Variants in CTNNA2 observed in about 807,000 individuals in gnomAD.
The protein encoded by CTNNA2 is catenin alpha-2.
A neutral mutation model predicts 101.0 loss-of-function variants in CTNNA2; 42 were observed. The observed-to-expected ratio is 0.42, with a 90% CI of 0.32 to 0.54. CTNNA2 has a LOEUF of 0.54. CTNNA2 is among the 20% of genes least tolerant of loss of function. The probability of loss-of-function intolerance (pLI) is 0.14; values close to 1 mark genes in which losing one functional copy is unlikely to be tolerated. For synonymous variants in CTNNA2, 450 were observed against 456.4 expected (o/e 0.99, Z 0.18); for missense variants, 871 against 1,223.1 (o/e 0.71, Z 4.29).
intron 2 of CTNNA2, among the ~76,000 whole-genome samples, chr2:79,211,829 G>A (rs1407164931): frequency 6.6e-6 from 1 of 152,140 alleles, no homozygotes; most frequent in Non-Finnish European, 1.5e-5. Context: ...CAACAATTTT[G>A]GGGGATGGTA....
intron 15 of CTNNA2, among the ~76,000 whole-genome samples, chr2:80,601,407 TTC>T (rs1697500210): frequency 7.9e-6 from 1 of 126,682 alleles, no homozygotes; most frequent in Non-Finnish European, 1.7e-5. Flanking sequence ...AATGACTTTT[TTC>T]TTTCTTTCTT....
intron 3 of CTNNA2, among the ~76,000 whole-genome samples, chr2:79,824,692 G>A (rs1234162222): frequency 6.6e-6 from 1 of 152,022 alleles, no homozygotes; most frequent in African/African-American, 2.4e-5. Context: ...AAGTGAGATC[G>A]AACCCAAAGA....
chr2:79,565,608 C>A (rs1675062632), intron 1 of CTNNA2, among the ~76,000 whole-genome samples: 2 of 152,072 alleles, frequency 1.3e-5, no homozygotes, highest in Admixed American at 1.3e-4. Flanking sequence ...TAGATAGAAC[C>A]TTTGAGGCTT....
chr2:79,469,527 T>G (rs1472728760), intron 4 of CTNNA2, among the ~76,000 whole-genome samples: 4 of 152,156 alleles, frequency 2.6e-5, no homozygotes, highest in Non-Finnish European at 5.9e-5. Context: ...TAACTCATTT[T>G]ATGAGGCCAG....
At chr2:80,347,123 T>C (rs2149289802) in intron 7 of CTNNA2, among the ~76,000 whole-genome samples, 1 of 152,014 alleles carries the variant, frequency 6.6e-6, no homozygotes, top group East Asian at 1.9e-4. Context: ...TTGTGCTATA[T>C]AGCAATCAGC....
At chr2:80,034,783 G>A (rs867004289) in intron 7 of CTNNA2, among the ~76,000 whole-genome samples, 17 of 152,174 alleles carry the variant, frequency 1.1e-4, no homozygotes, top group Admixed American at 7.9e-4. Context: ...TGGTGAGAGC[G>A]TGAGGAAATG....
chr2:79,328,579 A>G (rs1676800393), intron 3 of CTNNA2, among the ~76,000 whole-genome samples: 1 of 152,130 alleles, frequency 6.6e-6, no homozygotes, highest in Non-Finnish European at 1.5e-5. Flanking sequence ...GTTAGCTTTT[A>G]TGATGTTGAT....
intron 18 of CTNNA2, among the ~76,000 whole-genome samples, chr2:80,629,012 A>G (rs1214308676): frequency 1.3e-5 from 2 of 152,140 alleles, no homozygotes; most frequent in South Asian, 2.1e-4. Context: ...TGAAAATGAT[A>G]TTAGTATCTA....
intron 7 of CTNNA2, chr2:80,378,878 G>A (rs1036671757): frequency 1.3e-5 from 2 of 152,260 alleles, no homozygotes; most frequent in Admixed American, 6.5e-5. Context: ...ACATCAGAAA[G>A]CACTGATCTG....
At chr2:80,307,181 A>G (rs531001004) in intron 7 of CTNNA2, among the ~76,000 whole-genome samples, 1 of 151,876 alleles carries the variant, frequency 6.6e-6, no homozygotes, top group East Asian at 1.9e-4. Context: ...TCTTTTCTAC[A>G]GTTTTAAACC....
intron 4 of CTNNA2, among the ~76,000 whole-genome samples, chr2:79,451,563 T>TA (rs566808726): frequency 4.6e-5 from 7 of 151,502 alleles, no homozygotes; most frequent in African/African-American, 9.7e-5. Flanking sequence ...AGACTGGAGT[T>TA]AAAAAAAATA....
chr2:80,076,763 A>G (rs1224198376), intron 7 of CTNNA2, among the ~76,000 whole-genome samples: 3 of 152,208 alleles, frequency 2.0e-5, no homozygotes, highest in Admixed American at 6.5e-5. Flanking sequence ...TCTATGTTCT[A>G]GAACTCACAA....
chr2:79,636,955 G>T (rs1680116199), intron 1 of CTNNA2: 1 of 151,884 alleles, frequency 6.6e-6, no homozygotes. Flanking sequence ...ATATAAGCTG[G>T]GAAATCACAT....
Position 79,909,738 on chromosome 2 carries a change from G to A in CTNNA2, c.997G>A (p.Ala333Thr). ...AGACGACCGGCGCGAGAGGATCGTG[G>A]CGGAGTGCAACGCCGTGCGGCAGGC... is the stretch of plus-strand genomic sequence containing the variant. ...TRDDRRERIV[A>T]ECNAVRQALQ... The change falls in exon 7 of 19, where the codon GCG (alanine) becomes ACG (threonine). Residue 333 changes from alanine (A) to threonine (T), a missense_variant. By Grantham distance (58) the Ala-to-Thr change is moderately conservative. Coordinates refer to ENST00000402739, the MANE Select transcript of CTNNA2 (RefSeq NM_001282597.3). The A allele has an allele frequency of 1.2e-6, 2 of 1,613,814 alleles. No individual in the cohort carries two copies. The highest frequency in any genetic ancestry group is 1.7e-6 in the Non-Finnish European group (2 of 1,179,834).
intron 3 of CTNNA2, among the ~76,000 whole-genome samples, chr2:79,365,730 C>A (rs757833572): frequency 6.6e-6 from 1 of 151,116 alleles, no homozygotes; most frequent in Non-Finnish European, 1.5e-5. Flanking sequence ...TGATTAGAGA[C>A]GAGAAGGAAA....
At chr2:79,220,867 T>A (rs1674333491) in intron 2 of CTNNA2, among the ~76,000 whole-genome samples, 1 of 152,232 alleles carries the variant, frequency 6.6e-6, no homozygotes, top group African/African-American at 2.4e-5. Context: ...TGTACAACTC[T>A]GCACACATTG....
chr2:79,695,643 C>T lies in CTNNA2; in HGVS notation c.102+43985C>T, dbSNP rs555134136. 6.6e-4 allele frequency among the ~76,000 whole-genome samples: 101 copies of T among 152,074 alleles called. No individual in the cohort carries two copies. In the South Asian group the frequency reaches 0.011, roughly 17 times the overall value. The stretch of plus-strand genomic sequence containing the variant: ...GAAGCAGAGGACATGAACATTCTTA[C>T]TGTGTGTTCTCCATAGACTGGCCAG... On this transcript the variant is annotated intron_variant, in intron 2 of 18. Coordinates refer to ENST00000402739, the MANE Select transcript of CTNNA2 (RefSeq NM_001282597.3).
At chr2:79,389,350 G>C (rs1406211701) in intron 4 of CTNNA2, among the ~76,000 whole-genome samples, 3 of 152,012 alleles carry the variant, frequency 2.0e-5, no homozygotes, top group Admixed American at 6.6e-5. Context: ...TCAGTCACTT[G>C]GTCTTACACC....
intron 12 of CTNNA2, among the ~76,000 whole-genome samples, chr2:80,573,668 G>C (rs1560862): frequency 1.3e-5 from 2 of 151,930 alleles, no homozygotes; most frequent in East Asian, 3.9e-4. Flanking sequence ...TGTAACATCC[G>C]ATATTAGTTA....
Sources: allele counts gnomAD v4.1 joint callset (sites outside exome capture counted in the v4.1 genomes callset), GRCh38; gene constraint gnomAD v4.1.1; transcripts MANE v1.5; gene names NCBI Gene and HGNC (gene_info 2026-07-23, HGNC 2026-07-21).